The following FAM171A1 variants were observed in gnomAD, a reference collection of about 807,000 sequenced individuals.
FAM171A1 encodes protein FAM171A1.
A neutral mutation model predicts 74.9 loss-of-function variants in FAM171A1; 23 were observed. The observed-to-expected ratio is 0.31, with a 90% confidence interval of 0.22 to 0.44. FAM171A1 has a LOEUF of 0.44. FAM171A1 is among the 20% of genes least tolerant of loss of function. FAM171A1 has a pLI of 1.00. For synonymous variants in FAM171A1, 527 were observed against 505.7 expected (o/e 1.04, Z -0.57); for missense variants, 1,162 against 1,159.2 (o/e 1.00, Z -0.03).
chr10:15,312,044 C>G (rs1835365431), intron 1 of FAM171A1, among the ~76,000 whole-genome samples: 1 of 152,264 alleles, frequency 6.6e-6, no homozygotes, highest in Middle Eastern at 3.4e-3. Context: ...AGTGACCTGC[C>G]CAGGGCACAC....
At chr10:15,327,646 G>C (rs951855753) in intron 1 of FAM171A1, among the ~76,000 whole-genome samples, 2 of 149,852 alleles carry the variant, frequency 1.3e-5, no homozygotes, top group Admixed American at 1.3e-4. Flanking sequence ...ACAAGACTCT[G>C]TCTCTAAATA....
rs749998684 is a variant in FAM171A1 at position 15,213,703 on chromosome 10, G to C, written c.1885C>G (p.Pro629Ala). Reference protein sequence around the residue: ...SNPHAGIFPHPSSQIQPQPLS... With the variant: ...SNPHAGIFPHASSQIQPQPLS... ...GGCTGGGGCTGGATCTGTGAGGACG[G>C]GTGTGGGAAGATCCCGGCATGGGGA... Residue 629 changes from proline to alanine, a missense_variant, in exon 8 of 8, where the codon CCG becomes GCG. Physicochemically the swap from Pro to Ala is conservative, Grantham distance 27. Transcript: ENST00000378116. The surrounding 1 kb of genome is among the most constrained non-coding windows in gnomAD (Gnocchi z 6.8). The C allele has an allele frequency of 1.1e-5, 18 of 1,612,252 alleles. No homozygotes were observed. The South Asian group carries it at 2.0e-4, about 18-fold the overall frequency.
In FAM171A1 at chr10:15,214,460, C is replaced by T. The variant is rs149346946; in HGVS notation, c.1128G>A (p.Pro376=). ...GGCGGCCGTGGCTGGTGACGGACAG[C>T]GGGCCAGGGAATTCTGACGCTCGGC... The part of the protein sequence containing the change: ...FSRRASEFPG[P]LSVTSHGRPE... Residue 376 remains proline (P), a synonymous_variant, in exon 8 of 8, where the codon CCG becomes CCA. Transcript: ENST00000378116. 9.2e-5 allele frequency: 148 copies of T among 1,614,106 alleles called. No homozygotes were observed. The highest frequency in any genetic ancestry group is 1.2e-4 in the Non-Finnish European group (141 of 1,180,026).
Position 15,280,889 on chromosome 10 carries a change from A to T in FAM171A1, c.325+2989T>A, listed in dbSNP as rs141466905. On this transcript the variant is annotated intron_variant, in intron 2 of 7. Coordinates refer to ENST00000378116, the MANE Select transcript of FAM171A1 (RefSeq NM_001010924.2). Reference sequence around the variant, plus strand: ...AAATTTTTTTGTCTAAATTTTGGAGATGTTTCCTGTTAAGTTCTAGTTAAG... The same window carrying T: ...AAATTTTTTTGTCTAAATTTTGGAGTTGTTTCCTGTTAAGTTCTAGTTAAG... 2.6e-5 allele frequency among the ~76,000 whole-genome samples: 4 copies of T among 152,222 alleles called. No homozygotes were observed. In the East Asian group the frequency reaches 7.7e-4, roughly 29 times the overall value.
chr10:15,288,619 GGAAAA>G (rs1489449030), intron 1 of FAM171A1, among the ~76,000 whole-genome samples: 1 of 151,994 alleles, frequency 6.6e-6, no homozygotes, highest in Non-Finnish European at 1.5e-5. Context: ...GAGATTTGAG[GGAAAA>G]GAAGATTTAT....
At chr10:15,253,033 T>C (rs1249640121) in intron 4 of FAM171A1, among the ~76,000 whole-genome samples, 1 of 152,204 alleles carries the variant, frequency 6.6e-6, no homozygotes, top group African/African-American at 2.4e-5. Context: ...AGACAGAGTT[T>C]AGATCTGTTG....
chr10:15,301,405 G>C (rs1041015123), intron 1 of FAM171A1, among the ~76,000 whole-genome samples: 1 of 148,188 alleles, frequency 6.7e-6, no homozygotes, highest in South Asian at 2.1e-4. Flanking sequence ...GTTTCACCAC[G>C]TTGGCCAGCC....
rs1182689968 is a variant in FAM171A1, at chr10:15,212,505, C to T, written c.*410G>A. On this transcript the variant is annotated 3_prime_UTR_variant, in exon 8 of 8. Transcript: ENST00000378116. ...GCTACGTGCCAACCTAAGTTCTCAA[C>T]GACAGCTTCACAGTAGGATTATTGT... is the stretch of plus-strand genomic sequence containing the variant. 1 of 192,840 alleles carries T rather than the reference C, an allele frequency of 5.2e-6. No individual in the cohort carries two copies. The highest frequency in any genetic ancestry group is 1.1e-5 in the Non-Finnish European group (1 of 93,498). 11.9% of individuals were successfully genotyped at this position (192,840 alleles called of 1,614,324 possible). A position where few individuals can be genotyped will look rare whatever the true frequency, so the allele number is the denominator to read the frequency against.
chr10:15,315,849 CCT>C (rs1564275607), intron 1 of FAM171A1, among the ~76,000 whole-genome samples: 1 of 152,026 alleles, frequency 6.6e-6, no homozygotes, highest in East Asian at 1.9e-4. Context: ...GCCCTCGCCC[CCT>C]GACTATCAAT....
At chr10:15,366,993 T>C (rs928441925) in intron 1 of FAM171A1, among the ~76,000 whole-genome samples, 1 of 152,012 alleles carries the variant, frequency 6.6e-6, no homozygotes, top group Non-Finnish European at 1.5e-5. Context: ...GGTCAGGAGA[T>C]CGAGATCATT....
intron 6 of FAM171A1, among the ~76,000 whole-genome samples, chr10:15,219,803 A>C (rs1028139610): frequency 6.6e-6 from 1 of 152,130 alleles, no homozygotes; most frequent in East Asian, 1.9e-4. Flanking sequence ...GATGGTCTTG[A>C]TCTCCTGACC....
intron 5 of FAM171A1, among the ~76,000 whole-genome samples, chr10:15,223,782 C>A (rs1834069881): frequency 6.6e-6 from 1 of 152,132 alleles, no homozygotes; most frequent in Non-Finnish European, 1.5e-5. Flanking sequence ...ATCTGTAATT[C>A]CAGCAACTGG....
At chr10:15,285,982 C>T (rs537069928) in intron 1 of FAM171A1, among the ~76,000 whole-genome samples, 1 of 152,370 alleles carries the variant, frequency 6.6e-6, no homozygotes, top group Admixed American at 6.5e-5. Context: ...CATGTGCTAG[C>T]CATGTAGCCT....
chr10:15,297,728 T>C (rs767019347), intron 1 of FAM171A1, among the ~76,000 whole-genome samples: 3 of 152,220 alleles, frequency 2.0e-5, no homozygotes, highest in Non-Finnish European at 4.4e-5. Flanking sequence ...CACTCTGTAA[T>C]GGAAATCGAA....
chr10:15,352,058 AATTTTTTTTTGTAAAAATAC>A (rs55895546), intron 1 of FAM171A1, among the ~76,000 whole-genome samples: 55,187 of 130,620 alleles, frequency 0.42, 10,738 homozygotes, highest in Non-Finnish European at 0.48. Flanking sequence ...AAAAAAATAC[AATTTTTTTTTGTAAAAATAC>A]AAAAAAAAAA....
intron 1 of FAM171A1, among the ~76,000 whole-genome samples, chr10:15,314,032 G>A (rs1046752285): frequency 7.9e-5 from 12 of 152,184 alleles, no homozygotes; most frequent in African/African-American, 1.9e-4. Flanking sequence ...TTTCTGTGTC[G>A]CTGGCAGATA....
chr10:15,215,659 C>T (rs1413178599), intron 7 of FAM171A1, among the ~76,000 whole-genome samples: 1 of 152,220 alleles, frequency 6.6e-6, no homozygotes, highest in Non-Finnish European at 1.5e-5. Flanking sequence ...AGCCAACGTC[C>T]CTGGCCCAAA....
intron 1 of FAM171A1, among the ~76,000 whole-genome samples, chr10:15,294,600 C>G (rs1434861308): frequency 6.6e-6 from 1 of 152,188 alleles, no homozygotes; most frequent in Non-Finnish European, 1.5e-5. Context: ...TCTGTGGGCA[C>G]AAACTGGTCC....
chr10:15,367,484 C>T (rs1836079702), intron 1 of FAM171A1, among the ~76,000 whole-genome samples: 1 of 152,232 alleles, frequency 6.6e-6, no homozygotes, highest in Non-Finnish European at 1.5e-5. Flanking sequence ...CTCTGTGAGT[C>T]CAGCTCCTGC....
Sources: allele counts gnomAD v4.1 joint callset (sites outside exome capture counted in the v4.1 genomes callset), GRCh38; gene constraint gnomAD v4.1.1; non-coding constraint Gnocchi (gnomAD v3.1); transcripts MANE v1.5; gene names NCBI Gene and HGNC (gene_info 2026-07-23, HGNC 2026-07-21).